The following NXPE2 variants were observed in gnomAD, a reference collection of about 807,000 sequenced individuals.
NXPE2 encodes neurexophilin and PC-esterase domain family member 2, also known as NXPE family member 2.
A neutral mutation model predicts 34.4 loss-of-function variants in NXPE2; 34 were observed. That is an observed-to-expected ratio of 0.99 (90% CI 0.75 to 1.31). The LOEUF is 1.31. Among genes scored for constraint, NXPE2 ranks in the 40% most tolerant of loss-of-function variants. The pLI is 0.00. For missense variants in NXPE2, 649 were observed against 672.5 expected (o/e 0.97, Z 0.39); for synonymous variants, 235 against 231.3 (o/e 1.02, Z -0.15).
chr11:114,535,982 C>T, the NXPE2 span, among the ~76,000 whole-genome samples: 1 of 152,284 alleles, frequency 6.6e-6, no homozygotes, highest in East Asian at 1.9e-4. Flanking sequence ...AATATACATT[C>T]TTTTCAGCAC....
the NXPE2 span, among the ~76,000 whole-genome samples, chr11:114,738,337 C>T: frequency 6.6e-6 from 1 of 152,182 alleles, no homozygotes; most frequent in African/African-American, 2.4e-5. Flanking sequence ...CTCAGAACTA[C>T]ATAGACTCAG....
At chr11:114,735,517 C>G in the NXPE2 span, among the ~76,000 whole-genome samples, 1 of 152,092 alleles carries the variant, frequency 6.6e-6, no homozygotes, top group Non-Finnish European at 1.5e-5. Flanking sequence ...AAAATTATTT[C>G]CATGTCATAA....
chr11:114,541,195 G>A, the NXPE2 span, among the ~76,000 whole-genome samples: 1 of 152,092 alleles, frequency 6.6e-6, no homozygotes, highest in Non-Finnish European at 1.5e-5. Flanking sequence ...AACGGAATCC[G>A]TGGTTTCCAC....
At chr11:114,571,454 C>G in the NXPE2 span, 3 of 1,608,066 alleles carry the variant, frequency 1.9e-6, no homozygotes, top group Non-Finnish European at 2.6e-6. Flanking sequence ...CAGATTCATG[C>G]AGATCCACTG....
the NXPE2 span, among the ~76,000 whole-genome samples, chr11:114,560,056 C>T: frequency 6.6e-6 from 1 of 152,152 alleles, no homozygotes; most frequent in Non-Finnish European, 1.5e-5. Context: ...GAGATTCCTT[C>T]TCTCTCCATG....
downstream of NXPE2, among the ~76,000 whole-genome samples, chr11:114,708,636 A>AAAAAAGAAAAG (rs1555080863): frequency 4.0e-5 from 6 of 148,516 alleles, no homozygotes; most frequent in African/African-American, 7.5e-5. Flanking sequence ...TCTCAAAAAA[A>AAAAAAGAAAAG]AAAAGAAAAG....
At chr11:114,540,837 C>CTTTTTTTTTTT in the NXPE2 span, among the ~76,000 whole-genome samples, 13 of 47,472 alleles carry the variant, frequency 2.7e-4, 3 homozygotes, top group Admixed American at 6.2e-4. Context: ...AGAAAGCCAT[C>CTTTTTTTTTTT]TTTTTTTTTT....
the NXPE2 span, among the ~76,000 whole-genome samples, chr11:114,584,875 T>G: frequency 0.092 from 14,051 of 152,164 alleles, 717 homozygotes; most frequent in Middle Eastern, 0.2. Context: ...GGGTGATCTC[T>G]TCTAGGAAAT....
the NXPE2 span, among the ~76,000 whole-genome samples, chr11:114,601,754 T>C: frequency 3.3e-3 from 239 of 72,898 alleles, 9 homozygotes; most frequent in African/African-American, 0.012. Flanking sequence ...TAATATATAA[T>C]ATATATGTGA....
At chr11:114,746,607 T>G in the NXPE2 span, among the ~76,000 whole-genome samples, 7 of 152,194 alleles carry the variant, frequency 4.6e-5, no homozygotes, top group East Asian at 1.4e-3. Context: ...ATCCCAACAC[T>G]TTGGGAGGCT....
the NXPE2 span, among the ~76,000 whole-genome samples, chr11:114,525,174 C>G: frequency 6.6e-6 from 1 of 151,820 alleles, no homozygotes; most frequent in Non-Finnish European, 1.5e-5. Context: ...TTGTAAGTCC[C>G]TACTAAATGT....
chr11:114,512,092 C>T, the NXPE2 span, among the ~76,000 whole-genome samples: 4 of 151,842 alleles, frequency 2.6e-5, no homozygotes, highest in Admixed American at 6.6e-5. Context: ...TAGAAAGTGC[C>T]GGGATTTTTT....
the NXPE2 span, among the ~76,000 whole-genome samples, chr11:114,743,811 G>GTC: frequency 2.0e-5 from 3 of 151,132 alleles, no homozygotes; most frequent in Non-Finnish European, 1.5e-5. Flanking sequence ...GTGTGTGTAT[G>GTC]TGTGTGTATA....
the NXPE2 span, among the ~76,000 whole-genome samples, chr11:114,609,448 A>G: frequency 1.3e-5 from 2 of 151,836 alleles, no homozygotes; most frequent in African/African-American, 4.8e-5. Context: ...TCTGGTAACC[A>G]CTGTTACCCA....
At chr11:114,694,798 G>A (rs780290799) in intron 2 of NXPE2, among the ~76,000 whole-genome samples, 4 of 151,692 alleles carry the variant, frequency 2.6e-5, no homozygotes, top group Non-Finnish European at 5.9e-5. Context: ...GTTTCTTAGA[G>A]TTGCCAAGTC....
the NXPE2 span, among the ~76,000 whole-genome samples, chr11:114,633,749 A>G: frequency 2.5e-3 from 387 of 152,020 alleles, 2 homozygotes; most frequent in African/African-American, 8.8e-3. Context: ...TTTACTGAGA[A>G]TGATGATTTC....
chr11:114,730,172 T>C, the NXPE2 span, among the ~76,000 whole-genome samples: 2 of 152,154 alleles, frequency 1.3e-5, no homozygotes, highest in African/African-American at 4.8e-5. Flanking sequence ...CTTTTTCCTG[T>C]TCCTTTTTTT....
chr11:114,799,289 A>G, the NXPE2 span, among the ~76,000 whole-genome samples: 1,143 of 113,208 alleles, frequency 0.01, 18 homozygotes, highest in African/African-American at 0.036. Context: ...GAGGCAATGA[A>G]GCAAAAAAAA....
the NXPE2 span, among the ~76,000 whole-genome samples, chr11:114,713,677 A>G: frequency 6.6e-6 from 1 of 152,254 alleles, no homozygotes. Context: ...TTCAGTATCC[A>G]TTAATGACTT....
Sources: allele counts gnomAD v4.1 joint callset (sites outside exome capture counted in the v4.1 genomes callset), GRCh38; gene constraint gnomAD v4.1.1; transcripts MANE v1.5; gene names NCBI Gene and HGNC (gene_info 2026-07-23, HGNC 2026-07-21).